IGF1R: variants seen among roughly 807,000 people sequenced by gnomAD.
The protein encoded by IGF1R is insulin like growth factor 1 receptor.
IGF1R carries 44 observed loss-of-function variants against 144.6 expected under a neutral mutation model. The ratio of observed to expected loss-of-function variants is 0.30; its 90% confidence interval spans 0.24 to 0.39. The LOEUF (loss-of-function observed/expected upper bound fraction) is 0.39, where lower values mean the gene tolerates loss of function less well. Among genes scored for constraint, IGF1R ranks in the 10% least tolerant of loss-of-function variants. The probability of loss-of-function intolerance (pLI) is 1.00; values close to 1 mark genes in which losing one functional copy is unlikely to be tolerated. For synonymous variants in IGF1R, 795 were observed against 722.8 expected (o/e 1.10, Z -1.60); for missense variants, 1,355 against 1,833.7 (o/e 0.74, Z 4.77).
intron 2 of IGF1R, among the ~76,000 whole-genome samples, chr15:98,811,665 G>A (rs1409358924): frequency 6.6e-6 from 1 of 152,006 alleles, no homozygotes; most frequent in Non-Finnish European, 1.5e-5. Flanking sequence ...GGTGGCTGAC[G>A]CCTGTAATCC....
At chr15:98,828,042 C>T (rs143872911) in intron 2 of IGF1R, among the ~76,000 whole-genome samples, 13 of 152,216 alleles carry the variant, frequency 8.5e-5, no homozygotes, top group Admixed American at 6.5e-4. Context: ...GGGGAGGTGG[C>T]GTGATGTGAA....
intron 1 of IGF1R, among the ~76,000 whole-genome samples, chr15:98,678,049 A>G (rs368416209): frequency 4.1e-4 from 63 of 152,314 alleles, no homozygotes; most frequent in African/African-American, 1.5e-3. Flanking sequence ...CATCATGTTG[A>G]AGAATTGCCT....
chr15:98,748,228 G>T (rs914864950), intron 2 of IGF1R, among the ~76,000 whole-genome samples: 1 of 152,210 alleles, frequency 6.6e-6, no homozygotes, highest in African/African-American at 2.4e-5. Context: ...GTGCAGTGGT[G>T]TAGTCATAGC....
intron 1 of IGF1R, among the ~76,000 whole-genome samples, chr15:98,692,455 C>G (rs550444960): frequency 6.6e-6 from 1 of 152,252 alleles, no homozygotes; most frequent in East Asian, 1.9e-4. Flanking sequence ...CAGTCCTGCT[C>G]CTTTGGCCTC....
chr15:98,772,127 A>C (rs140930411), intron 2 of IGF1R, among the ~76,000 whole-genome samples: 3,144 of 152,296 alleles, frequency 0.021, 46 homozygotes, highest in Non-Finnish European at 0.031. Flanking sequence ...AAGTAAAAGC[A>C]TGAAGTTTTT....
At chr15:98,721,340 A>AC (rs756289040) in intron 2 of IGF1R, among the ~76,000 whole-genome samples, 163 of 152,276 alleles carry the variant, frequency 1.1e-3, no homozygotes, top group Middle Eastern at 6.8e-3. Context: ...CAGTTGAGAA[A>AC]CCACTTGTGG....
rs570968439 is a variant in IGF1R, at chr15:98,865,467, A to G, written c.641-25858A>G. 5.3e-5 allele frequency among the ~76,000 whole-genome samples: 8 copies of G among 152,250 alleles called. No homozygotes were observed. The South Asian group carries it at 1.7e-3, about 32-fold the overall frequency. ...TGGCTGGAGGTGGGGCTCGGCGTGCATAGCGGCCACGTGACTGCGCCCCGG... is the reference window on the plus strand; with the variant it reads ...TGGCTGGAGGTGGGGCTCGGCGTGCGTAGCGGCCACGTGACTGCGCCCCGG... On this transcript the variant is annotated intron_variant, in intron 2 of 20. Coordinates refer to ENST00000650285, the MANE Select transcript of IGF1R (RefSeq NM_000875.5).
At chr15:98,747,158 C>T (rs2054888442) in intron 2 of IGF1R, among the ~76,000 whole-genome samples, 1 of 152,094 alleles carries the variant, frequency 6.6e-6, no homozygotes, top group Non-Finnish European at 1.5e-5. Context: ...AGTTCCCATT[C>T]ATTTATACAC....
chr15:98,936,629 T>A (rs1490296837), intron 17 of IGF1R, among the ~76,000 whole-genome samples: 6 of 151,824 alleles, frequency 4.0e-5, no homozygotes, highest in South Asian at 2.1e-4. Flanking sequence ...TTTTTTTTTT[T>A]AATGTTCTTT....
chr15:98,763,152 G>A (rs2055349236), intron 2 of IGF1R, among the ~76,000 whole-genome samples: 1 of 151,918 alleles, frequency 6.6e-6, no homozygotes, highest in Non-Finnish European at 1.5e-5. Context: ...AAAAGGAAAA[G>A]ACAACTTTGA....
chr15:98,826,993 T>A (rs114324214), intron 2 of IGF1R, among the ~76,000 whole-genome samples: 191 of 152,322 alleles, frequency 1.3e-3, no homozygotes, highest in African/African-American at 4.4e-3. Flanking sequence ...CTAAACACTC[T>A]CCTTAGAAGC....
intron 1 of IGF1R, among the ~76,000 whole-genome samples, chr15:98,693,112 C>G (rs1364734461): frequency 6.6e-6 from 1 of 152,166 alleles, no homozygotes; most frequent in Non-Finnish European, 1.5e-5. Context: ...TGCAGCACCC[C>G]CCTGACCCCA....
At chr15:98,914,886 A>C (rs1335649220) in intron 8 of IGF1R, among the ~76,000 whole-genome samples, 1 of 152,126 alleles carries the variant, frequency 6.6e-6, no homozygotes, top group East Asian at 1.9e-4. Flanking sequence ...TTATTTTTGG[A>C]AACCCTAAAG....
At chr15:98,784,230 C>T (rs933444134) in intron 2 of IGF1R, among the ~76,000 whole-genome samples, 2 of 151,966 alleles carry the variant, frequency 1.3e-5, no homozygotes, top group Non-Finnish European at 2.9e-5. Context: ...CCACCGTGCC[C>T]GGCCCCTGAA....
Position 98,749,975 on chromosome 15 carries a change from C to T in IGF1R, c.640+41868C>T, listed in dbSNP as rs187997205. 4.1e-3 allele frequency among the ~76,000 whole-genome samples: 611 copies of T among 150,738 alleles called. 3 individuals are homozygous for T. The highest frequency in any genetic ancestry group is 0.014 in the African/African-American group (569 of 40,974). On this transcript the variant is annotated intron_variant, in intron 2 of 20. Coordinates refer to ENST00000650285, the MANE Select transcript of IGF1R (RefSeq NM_000875.5). The stretch of plus-strand genomic sequence containing the variant: ...TTCTTAGTGAACAAAGATATTTGCT[C>T]GACTTCTATCCCAGAAGGACCATCC...
At chr15:98,868,500 T>C (rs2012591845) in intron 2 of IGF1R, among the ~76,000 whole-genome samples, 1 of 152,012 alleles carries the variant, frequency 6.6e-6, no homozygotes. Flanking sequence ...ACCCTCAGTC[T>C]GGGGAAATAA....
chr15:98,650,937 T>A, intron 1 of IGF1R: 2 of 985,182 alleles, frequency 2.0e-6, no homozygotes, highest in Non-Finnish European at 2.4e-6. Flanking sequence ...CCCCGGTGTC[T>A]ACGGCCGGAG....
chr15:98,779,568 T>G (rs72752806), intron 2 of IGF1R, among the ~76,000 whole-genome samples: 4,101 of 152,338 alleles, frequency 0.027, 106 homozygotes, highest in South Asian at 0.11. Context: ...CTACTTCAGT[T>G]TCAGATAATC....
At chr15:98,883,686 AGGCT>A (rs959848828) in intron 2 of IGF1R, among the ~76,000 whole-genome samples, 38 of 152,302 alleles carry the variant, frequency 2.5e-4, no homozygotes, top group African/African-American at 8.9e-4. Flanking sequence ...TGCCCCGGCT[AGGCT>A]GTCCTCCTCC....
Sources: gnomAD v4.1 joint callset for allele counts (sites outside exome capture counted in the v4.1 genomes callset) on GRCh38, gnomAD v4.1.1 for gene constraint, MANE v1.5 for transcripts, NCBI Gene and HGNC (gene_info 2026-07-23, HGNC 2026-07-21) for gene names.